Variants in ZPBP observed in about 807,000 individuals in gnomAD.
ZPBP encodes zona pellucida-binding protein 1.
Under a neutral mutation model 44.8 loss-of-function variants are expected in ZPBP, and 26 were observed. That is an observed-to-expected ratio of 0.58 (90% CI 0.43 to 0.81). The LOEUF is 0.81. Ranked by LOEUF, ZPBP falls within the 30% of genes least tolerant of loss-of-function variation. The pLI, the probability that ZPBP is intolerant of heterozygous loss-of-function variation, is 0.00. For missense variants in ZPBP, 409 were observed against 434.0 expected (o/e 0.94, Z 0.51); for synonymous variants, 174 against 153.2 (o/e 1.14, Z -1.00).
chr7:50,052,191 C>A (rs1239530059), intron 4 of ZPBP, among the ~76,000 whole-genome samples: 1 of 151,556 alleles, frequency 6.6e-6, no homozygotes, highest in Admixed American at 6.6e-5. Flanking sequence ...AATATATATC[C>A]AACAAAGAAA....
chr7:49,885,188 G>A (rs995811399), intron 2 of ZPBP, among the ~76,000 whole-genome samples: 1 of 152,078 alleles, frequency 6.6e-6, no homozygotes, highest in African/African-American at 2.4e-5. Flanking sequence ...TGAAATAATT[G>A]TTAAATAATT....
chr7:49,859,976 A>G (rs2128719887), intron 2 of ZPBP, among the ~76,000 whole-genome samples: 1 of 151,824 alleles, frequency 6.6e-6, no homozygotes, highest in Non-Finnish European at 1.5e-5. Context: ...ATAAATATAT[A>G]CTTATATTTA....
At chr7:49,899,348 G>T (rs755084883) in intron 2 of ZPBP, among the ~76,000 whole-genome samples, 2 of 151,946 alleles carry the variant, frequency 1.3e-5, no homozygotes, top group African/African-American at 2.4e-5. Context: ...TAAAGTTTAG[G>T]AGTTTTTTAT....
intron 2 of ZPBP, among the ~76,000 whole-genome samples, chr7:49,863,444 C>A (rs1193024340): frequency 1.3e-5 from 2 of 151,588 alleles, no homozygotes. Context: ...CTTTTCTTTT[C>A]TTTTTTGAGA....
Position 49,985,494 on chromosome 7 carries a change from C to T in ZPBP, c.784-1975G>A, listed in dbSNP as rs118148326. Among the ~76,000 whole-genome samples the T allele has an allele frequency of 8.5e-3, 1,290 of 152,132 alleles. 10 individuals carry two copies. Among genetic ancestry groups the T allele is most frequent in the South Asian group, 0.028 (136 of 4,812 alleles). Reference sequence around the variant, plus strand: ...AAATCTAAAATACTTCTGGTTCCAACCATTTCAGATAAAGGATACTCAAAA... The same window carrying T: ...AAATCTAAAATACTTCTGGTTCCAATCATTTCAGATAAAGGATACTCAAAA... On this transcript the variant is annotated intron_variant, in intron 6 of 7. Coordinates refer to ENST00000046087, the MANE Select transcript of ZPBP (RefSeq NM_007009.3).
intron 6 of ZPBP, among the ~76,000 whole-genome samples, chr7:50,012,039 A>G (rs74611344): frequency 6.8e-6 from 1 of 147,914 alleles, no homozygotes; most frequent in African/African-American, 2.5e-5. Context: ...TCAAAAAAGA[A>G]AAAAAAAAAA....
intron 2 of ZPBP, among the ~76,000 whole-genome samples, chr7:49,888,113 A>G (rs1791975632): frequency 6.6e-6 from 1 of 152,228 alleles, no homozygotes; most frequent in African/African-American, 2.4e-5. Context: ...CAGTGAGGTC[A>G]CATTAGTAGC....
chr7:49,903,124 AG>A (rs1273706567), intron 1 of ZPBP, among the ~76,000 whole-genome samples: 1 of 152,214 alleles, frequency 6.6e-6, no homozygotes, highest in Non-Finnish European at 1.5e-5. Context: ...ATGCTGGTAA[AG>A]ATGTGAGTAA....
chr7:49,956,972 C>T (rs1018478701), intron 7 of ZPBP, among the ~76,000 whole-genome samples: 10 of 152,138 alleles, frequency 6.6e-5, no homozygotes, highest in Non-Finnish European at 1.5e-4. Flanking sequence ...ATTTAATTGC[C>T]ATTATAACAG....
At chr7:49,905,340 A>T (rs1425754996) in intron 1 of ZPBP, among the ~76,000 whole-genome samples, 1 of 152,216 alleles carries the variant, frequency 6.6e-6, no homozygotes, top group Non-Finnish European at 1.5e-5. Flanking sequence ...CCACTGCTAC[A>T]GCAGTGCCAC....
At chr7:49,994,776 C>G (rs1162941877) in intron 6 of ZPBP, among the ~76,000 whole-genome samples, 1 of 152,210 alleles carries the variant, frequency 6.6e-6, no homozygotes, top group Non-Finnish European at 1.5e-5. Flanking sequence ...ATCGGATTTG[C>G]TGGATCTTAT....
intron 7 of ZPBP, among the ~76,000 whole-genome samples, chr7:49,956,083 C>T (rs1795576823): frequency 6.6e-6 from 1 of 152,008 alleles, no homozygotes; most frequent in Non-Finnish European, 1.5e-5. Flanking sequence ...AAAATAACTA[C>T]CTGAGTACTC....
chr7:49,965,274 T>C (rs1191847464), intron 7 of ZPBP, among the ~76,000 whole-genome samples: 2 of 151,448 alleles, frequency 1.3e-5, no homozygotes, highest in Non-Finnish European at 3.0e-5. Flanking sequence ...AATCATCAGG[T>C]AAAAAAGAAA....
At chr7:49,896,565 A>C (rs1483924884) in intron 2 of ZPBP, among the ~76,000 whole-genome samples, 6 of 152,208 alleles carry the variant, frequency 3.9e-5, no homozygotes, top group Admixed American at 3.9e-4. Flanking sequence ...AAAATTGAAA[A>C]CAAAAAATCA....
At chr7:50,041,974 AC>A (rs1800116858) in intron 4 of ZPBP, among the ~76,000 whole-genome samples, 1 of 152,200 alleles carries the variant, frequency 6.6e-6, no homozygotes, top group South Asian at 2.1e-4. Flanking sequence ...TTAGAAAAAA[AC>A]ATAAATGACC....
rs189570769 is a variant in ZPBP at position 49,976,474 on chromosome 7, A to G, written c.961+6868T>C. Reference sequence around the variant, plus strand: ...TTTCAGCACGTAAACATGTCATCCTATTGCCTTTTGGTATCTGTCATGCAT... The same window carrying G: ...TTTCAGCACGTAAACATGTCATCCTGTTGCCTTTTGGTATCTGTCATGCAT... On this transcript the variant is annotated intron_variant, in intron 7 of 7. Transcript: ENST00000046087. Among the ~76,000 whole-genome samples, 266 of 152,200 alleles carry G rather than the reference A, an allele frequency of 1.7e-3. 1 individual carries two copies. The highest frequency in any genetic ancestry group is 4.8e-3 in the African/African-American group (199 of 41,522).
intron 7 of ZPBP, among the ~76,000 whole-genome samples, chr7:49,970,149 C>A (rs551751202): frequency 6.6e-6 from 1 of 152,144 alleles, no homozygotes; most frequent in Non-Finnish European, 1.5e-5. Context: ...GTGTTAGCTA[C>A]ATGTCTGGCC....
At chr7:49,978,094 T>G (rs202225714) in intron 7 of ZPBP, among the ~76,000 whole-genome samples, 1 of 144,496 alleles carries the variant, frequency 6.9e-6, no homozygotes, top group African/African-American at 2.6e-5. Context: ...TTTTTTTTTT[T>G]GAAAAACTAG....
At chr7:49,845,578 C>T (rs184057428), downstream of ZPBP, among the ~76,000 whole-genome samples, 3 of 152,334 alleles carry the variant, frequency 2.0e-5, no homozygotes, top group Admixed American at 2.0e-4. Flanking sequence ...TAACACAATA[C>T]AGAATATTTG....
Sources: gnomAD v4.1 joint callset for allele counts (sites outside exome capture counted in the v4.1 genomes callset) on GRCh38, gnomAD v4.1.1 for gene constraint, MANE v1.5 for transcripts, NCBI Gene and HGNC (gene_info 2026-07-23, HGNC 2026-07-21) for gene names.